The following LRBA variants were observed in gnomAD, a reference collection of about 807,000 sequenced individuals.
LRBA encodes lipopolysaccharide-responsive and beige-like anchor protein.
LRBA carries 176 observed loss-of-function variants against 330.0 expected under a neutral mutation model. That is an observed-to-expected ratio of 0.53 (90% CI 0.47 to 0.60). The LOEUF (loss-of-function observed/expected upper bound fraction) is 0.60, where lower values mean the gene tolerates loss of function less well. Among genes scored for constraint, LRBA ranks in the 20% least tolerant of loss-of-function variants. The pLI, the probability that LRBA is intolerant of heterozygous loss-of-function variation, is 0.00. For missense variants in LRBA, 3,259 were observed against 3,444.8 expected, an observed-to-expected ratio of 0.95 and a Z score of 1.35; for synonymous variants, 1,230 against 1,193.0, an observed-to-expected ratio of 1.03 and a Z score of -0.64.
intron 37 of LRBA, among the ~76,000 whole-genome samples, chr4:150,643,777 T>G (rs956866222): frequency 1.1e-4 from 17 of 152,014 alleles, no homozygotes; most frequent in African/African-American, 4.1e-4. Context: ...AAGAATGGAT[T>G]GTAAATTCAT....
At chr4:150,359,038 T>C (rs994474432) in intron 47 of LRBA, among the ~76,000 whole-genome samples, 3 of 152,116 alleles carry the variant, frequency 2.0e-5, no homozygotes, top group African/African-American at 7.2e-5. Context: ...ATGTCATTAC[T>C]CCTAAGAATA....
At chr4:150,423,382 G>T in intron 46 of LRBA, 1 of 648,928 alleles carries the variant, frequency 1.5e-6, no homozygotes. Flanking sequence ...TCCCGGGCCT[G>T]CTTTGAGTCC....
intron 38 of LRBA, among the ~76,000 whole-genome samples, chr4:150,594,150 G>A (rs1485487602): frequency 6.6e-6 from 1 of 151,930 alleles, no homozygotes; most frequent in Non-Finnish European, 1.5e-5. Context: ...TCTTGTCATG[G>A]AAAATATGCA....
At position 150,828,467 on chromosome 4, in the gene LRBA, A is replaced by C; in HGVS notation, c.4884T>G (p.Pro1628=). 1.9e-6 allele frequency: 3 copies of C among 1,614,166 alleles called. No individual in the cohort carries two copies. Among genetic ancestry groups the C allele is most frequent in the Non-Finnish European group, 2.5e-6 (3 of 1,180,004 alleles). ...TTGCATCTGGGCCTGCACTGACACCAGGAGGTGCTGTGTGAGGAGTTACTT... is the reference window on the plus strand; with the variant it reads ...TTGCATCTGGGCCTGCACTGACACCCGGAGGTGCTGTGTGAGGAGTTACTT... ...HVEVTPHTAP[P]GVSAGPDAIS... is the part of the protein sequence containing the mutation. The change falls in exon 30 of 57, where the codon CCT becomes CCG. Residue 1628 remains proline (P), a synonymous_variant. Transcript: ENST00000651943.
At chr4:150,331,629 T>G (rs1734017160) in intron 48 of LRBA, among the ~76,000 whole-genome samples, 1 of 152,176 alleles carries the variant, frequency 6.6e-6, no homozygotes. Flanking sequence ...TTTTTTTAAC[T>G]TCTAATGCAA....
chr4:150,971,116 G>A (rs147288529), intron 2 of LRBA, among the ~76,000 whole-genome samples: 31 of 152,262 alleles, frequency 2.0e-4, no homozygotes, highest in African/African-American at 6.7e-4. Context: ...AGAATATGTC[G>A]AAGTGTGCTC....
At chr4:150,671,140 GCTTGTA>G (rs1782032729) in intron 37 of LRBA, among the ~76,000 whole-genome samples, 1 of 151,746 alleles carries the variant, frequency 6.6e-6, no homozygotes, top group Admixed American at 6.6e-5. Context: ...CCCTTTCATT[GCTTGTA>G]CTCTGTTCCC....
chr4:150,811,499 GGTTTTTT>G (rs902552529), intron 31 of LRBA, among the ~76,000 whole-genome samples: 10 of 151,752 alleles, frequency 6.6e-5, no homozygotes, highest in Admixed American at 5.9e-4. Context: ...TGGTTTATTG[GGTTTTTT>G]GTTTTTTGTT....
chr4:150,739,850 T>C (rs1731711318), intron 35 of LRBA, among the ~76,000 whole-genome samples: 1 of 152,140 alleles, frequency 6.6e-6, no homozygotes, highest in African/African-American at 2.4e-5. Flanking sequence ...CACATGATCA[T>C]GGAAGCAGAT....
At chr4:150,435,761 G>T in intron 45 of LRBA, 53 bp from the exon 46 acceptor site, 1 of 1,484,904 alleles carries the variant, frequency 6.7e-7, no homozygotes, top group South Asian at 1.3e-5. Context: ...ATAAAAATGT[G>T]GTTTTTATAA....
At chr4:150,278,721 C>G (rs1350980460) in intron 55 of LRBA, among the ~76,000 whole-genome samples, 2 of 152,128 alleles carry the variant, frequency 1.3e-5, no homozygotes, top group East Asian at 3.8e-4. Flanking sequence ...CAAGTGCAGC[C>G]CACTGCCTGT....
intron 42 of LRBA, among the ~76,000 whole-genome samples, chr4:150,482,484 C>A (rs141892083): frequency 6.6e-6 from 1 of 152,090 alleles, no homozygotes; most frequent in African/African-American, 2.4e-5. Context: ...ATGAATATGG[C>A]TGCTATAAAT....
At chr4:150,832,769 G>C (rs1337664447) in intron 28 of LRBA, among the ~76,000 whole-genome samples, 7 of 152,014 alleles carry the variant, frequency 4.6e-5, no homozygotes, top group African/African-American at 9.7e-5. Context: ...GGATGCCAAA[G>C]GAATTCCTTC....
intron 26 of LRBA, among the ~76,000 whole-genome samples, chr4:150,846,645 T>TA (rs1749889271): frequency 6.6e-6 from 1 of 152,114 alleles, no homozygotes; most frequent in Non-Finnish European, 1.5e-5. Flanking sequence ...ATGTGATGAA[T>TA]ACCCTAAAAG....
intron 47 of LRBA, among the ~76,000 whole-genome samples, chr4:150,405,367 A>G (rs1399416382): frequency 6.6e-6 from 1 of 152,246 alleles, no homozygotes; most frequent in African/African-American, 2.4e-5. Context: ...TCCATTTCAT[A>G]AAGAGATTTC....
intron 48 of LRBA, among the ~76,000 whole-genome samples, chr4:150,332,716 G>GC (rs1734147794): frequency 8.7e-6 from 1 of 114,370 alleles, no homozygotes; most frequent in Non-Finnish European, 2.0e-5. Flanking sequence ...AATTATTTCT[G>GC]TAAATAGCCT....
At chr4:150,997,665 T>C (rs188234824) in intron 2 of LRBA, among the ~76,000 whole-genome samples, 2 of 152,180 alleles carry the variant, frequency 1.3e-5, no homozygotes, top group East Asian at 3.9e-4. Context: ...AAAACATGAC[T>C]CCTTTATATT....
intron 37 of LRBA, among the ~76,000 whole-genome samples, chr4:150,636,158 CTTT>C (rs70941419): frequency 2.9e-3 from 326 of 112,978 alleles, no homozygotes; most frequent in Middle Eastern, 8.8e-3. Context: ...ACCTACCAAG[CTTT>C]TTTTTTTTTT....
intron 40 of LRBA, among the ~76,000 whole-genome samples, chr4:150,585,584 A>G (rs1772013623): frequency 6.6e-6 from 1 of 152,220 alleles, no homozygotes; most frequent in Admixed American, 6.5e-5. Flanking sequence ...TCAAACAGAA[A>G]GTATCCCAAA....
Sources: gnomAD v4.1 joint callset for allele counts (sites outside exome capture counted in the v4.1 genomes callset) on GRCh38, gnomAD v4.1.1 for gene constraint, MANE v1.5 for transcripts, NCBI Gene and HGNC (gene_info 2026-07-23, HGNC 2026-07-21) for gene names.